The following ERBB4 variants were observed in gnomAD, a reference collection of about 807,000 sequenced individuals.
The protein encoded by ERBB4 is receptor tyrosine-protein kinase erbB-4.
ERBB4 carries 42 observed loss-of-function variants against 158.0 expected under a neutral mutation model. The observed-to-expected ratio is 0.27, with a 90% CI of 0.21 to 0.34. The LOEUF is 0.34. Ranked by LOEUF, ERBB4 falls within the 10% of genes least tolerant of loss-of-function variation. The pLI, the probability that ERBB4 is intolerant of heterozygous loss-of-function variation, is 1.00. For missense variants in ERBB4, 1,333 were observed against 1,624.1 expected (o/e 0.82, Z 3.08); for synonymous variants, 583 against 558.7 (o/e 1.04, Z -0.61).
At chr2:211,881,800 T>G (rs747544832) in intron 3 of ERBB4, among the ~76,000 whole-genome samples, 62 of 152,140 alleles carry the variant, frequency 4.1e-4, no homozygotes, top group Admixed American at 1.2e-3. Flanking sequence ...TCTATTAAAC[T>G]TCCACTGTTA....
At chr2:211,452,187 T>A (rs1439415177) in intron 20 of ERBB4, among the ~76,000 whole-genome samples, 2 of 95,964 alleles carry the variant, frequency 2.1e-5, no homozygotes, top group Non-Finnish European at 4.1e-5. Flanking sequence ...ATAAACACTA[T>A]TTTTTTTTGA....
At chr2:211,872,768 A>T (rs2106119306) in intron 3 of ERBB4, among the ~76,000 whole-genome samples, 1 of 152,216 alleles carries the variant, frequency 6.6e-6, no homozygotes, top group Non-Finnish European at 1.5e-5. Context: ...CGTAAGTAAA[A>T]TTGTATTGTT....
At chr2:211,387,651 A>C (rs1484718095) in intron 26 of ERBB4, among the ~76,000 whole-genome samples, 1 of 141,508 alleles carries the variant, frequency 7.1e-6, no homozygotes, top group African/African-American at 2.5e-5. Context: ...TTTTTAGTAC[A>C]TGACCAATAA....
intron 1 of ERBB4, among the ~76,000 whole-genome samples, chr2:212,361,005 C>A (rs1284409622): frequency 6.6e-6 from 1 of 151,654 alleles, no homozygotes; most frequent in Non-Finnish European, 1.5e-5. Flanking sequence ...GCCAACTCAA[C>A]ATGGATTCTA....
At chr2:211,433,225 T>C (rs2063780169) in intron 20 of ERBB4, among the ~76,000 whole-genome samples, 1 of 152,206 alleles carries the variant, frequency 6.6e-6, no homozygotes, top group African/African-American at 2.4e-5. Flanking sequence ...TATGTCATGG[T>C]AAAGAACTTA....
At chr2:211,858,710 GA>G (rs2077934917) in intron 3 of ERBB4, among the ~76,000 whole-genome samples, 1 of 152,150 alleles carries the variant, frequency 6.6e-6, no homozygotes, top group Admixed American at 6.5e-5. Context: ...CTGTAACATA[GA>G]AATATACTTT....
At chr2:211,991,341 G>A (rs1450194570) in intron 2 of ERBB4, among the ~76,000 whole-genome samples, 1 of 152,028 alleles carries the variant, frequency 6.6e-6, no homozygotes, top group African/African-American at 2.4e-5. Context: ...TATTTGTACT[G>A]TATTTGACCA....
chr2:212,460,406 T>C (rs1237912510), intron 1 of ERBB4, among the ~76,000 whole-genome samples: 1 of 152,172 alleles, frequency 6.6e-6, no homozygotes, highest in Non-Finnish European at 1.5e-5. Context: ...TGGAACTTCG[T>C]AGAGACTTGT....
At chr2:212,313,525 A>G (rs901392899) in intron 1 of ERBB4, among the ~76,000 whole-genome samples, 8 of 147,340 alleles carry the variant, frequency 5.4e-5, no homozygotes, top group Non-Finnish European at 1.1e-4. Flanking sequence ...CAATGATTCT[A>G]GTTTATTAAT....
intron 3 of ERBB4, among the ~76,000 whole-genome samples, chr2:211,896,469 T>G (rs2079100851): frequency 1.3e-5 from 2 of 152,204 alleles, no homozygotes; most frequent in African/African-American, 4.8e-5. Context: ...AAATTTCTAC[T>G]GCTGTCATCC....
intron 22 of ERBB4, among the ~76,000 whole-genome samples, chr2:211,428,157 C>T (rs1373385495): frequency 6.6e-6 from 1 of 151,450 alleles, no homozygotes; most frequent in Non-Finnish European, 1.5e-5. Context: ...AACCACCATG[C>T]CACATGTATA....
At chr2:212,503,258 A>AGTTATAT (rs1328428435) in intron 1 of ERBB4, among the ~76,000 whole-genome samples, 1 of 152,210 alleles carries the variant, frequency 6.6e-6, no homozygotes, top group Non-Finnish European at 1.5e-5. Flanking sequence ...AACTACTACA[A>AGTTATAT]GTTATATCAT....
intron 1 of ERBB4, among the ~76,000 whole-genome samples, chr2:212,130,734 C>T (rs762185954): frequency 7.8e-4 from 119 of 152,218 alleles, no homozygotes; most frequent in Admixed American, 4.1e-3. Flanking sequence ...GGCATCTACT[C>T]GTCTCCAAAT....
At chr2:211,791,553 T>C (rs2076279826) in intron 3 of ERBB4, among the ~76,000 whole-genome samples, 1 of 151,872 alleles carries the variant, frequency 6.6e-6, no homozygotes, top group African/African-American at 2.4e-5. Flanking sequence ...GTTCAAAGTA[T>C]CTCATTTCAT....
chr2:212,448,898 G>T (rs2092403999), intron 1 of ERBB4, among the ~76,000 whole-genome samples: 1 of 152,020 alleles, frequency 6.6e-6, no homozygotes, highest in Admixed American at 6.5e-5. Context: ...TTTTCTATTT[G>T]GACTTTGTAG....
At chr2:212,446,611 ATATATATATATATATATATATATAT>A in intron 1 of ERBB4, among the ~76,000 whole-genome samples, 1 of 42,250 alleles carries the variant, frequency 2.4e-5, no homozygotes, top group South Asian at 8.7e-4. Flanking sequence ...ATATATATAT[ATATATATATATATATATATATATAT>A]ATCCTATTAG....
chr2:211,704,497 G>A (rs961244179), intron 10 of ERBB4, among the ~76,000 whole-genome samples: 3 of 151,906 alleles, frequency 2.0e-5, no homozygotes, highest in African/African-American at 4.8e-5. Context: ...AATCTTTTAC[G>A]TCTTCATCTG....
At chr2:212,450,170 TA>T (rs1401254754) in intron 1 of ERBB4, among the ~76,000 whole-genome samples, 3 of 152,132 alleles carry the variant, frequency 2.0e-5, no homozygotes, top group Non-Finnish European at 4.4e-5. Context: ...AATAATAACC[TA>T]AATAGCAACA....
intron 16 of ERBB4, among the ~76,000 whole-genome samples, chr2:211,649,453 C>T (rs528591680): frequency 9.2e-5 from 14 of 151,908 alleles, no homozygotes; most frequent in Admixed American, 9.2e-4. Context: ...TTTTGGTTTT[C>T]CCTTTGGTCC....
Sources: gnomAD v4.1 joint callset for allele counts (sites outside exome capture counted in the v4.1 genomes callset) on GRCh38, gnomAD v4.1.1 for gene constraint, MANE v1.5 for transcripts, NCBI Gene and HGNC (gene_info 2026-07-23, HGNC 2026-07-21) for gene names.